Variants in DNAH1 observed in about 807,000 individuals in gnomAD.
DNAH1 encodes the protein dynein axonemal heavy chain 1.
Under a neutral mutation model 484.3 loss-of-function variants are expected in DNAH1, and 327 were observed. The ratio of observed to expected loss-of-function variants is 0.68; its 90% CI spans 0.62 to 0.74. The LOEUF is 0.74. DNAH1 is among the 30% of genes least tolerant of loss of function. The probability of loss-of-function intolerance (pLI) is 0.00; values close to 1 mark genes in which losing one functional copy is unlikely to be tolerated. For missense variants in DNAH1, 5,052 were observed against 5,546.8 expected (o/e 0.91, Z 2.83); for synonymous variants, 2,192 against 2,191.9 (o/e 1.00, Z 0.00).
In DNAH1 at chr3:52,395,272, C is replaced by G; in HGVS notation, c.10969-36C>G. On this transcript the variant is annotated intron_variant, in intron 68 of 77. Transcript: ENST00000420323. This position sits in a 1 kb window ranked among gnomAD's most constrained non-coding sequence, Gnocchi z 4.4. ...TCCCTTGCCCCGATCTCTCTGCAGCCCCAGGTGGTCTCAGCATCTCCCCCT... is the reference window on the plus strand; with the variant it reads ...TCCCTTGCCCCGATCTCTCTGCAGCGCCAGGTGGTCTCAGCATCTCCCCCT... The G allele has an allele frequency of 6.2e-7, 1 of 1,604,592 alleles. No individual in the cohort carries two copies. Among genetic ancestry groups the G allele is most frequent in the Non-Finnish European group, 8.5e-7 (1 of 1,174,664 alleles).
Position 52,353,467 on chromosome 3 carries a change from G to T in DNAH1, c.3314G>T (p.Gly1105Val), listed in dbSNP as rs775731948. The T allele has an allele frequency of 1.2e-6, 2 of 1,613,922 alleles. No homozygotes were observed. Among genetic ancestry groups the T allele is most frequent in the Admixed American group, 3.3e-5 (2 of 60,030 alleles). ...IPLIQGLRNP[G>V]MRIRHWETLS... ...CTGATCCAGGGGCTGCGCAACCCTG[G>T]CATGCGGATCCGGCACTGGGAGACA... is the stretch of plus-strand genomic sequence containing the variant. Residue 1105 changes from glycine (G) to valine (V), a missense_variant, in exon 20 of 78, where the codon GGC (glycine) becomes GTC (valine). Gly to Val is a moderately radical substitution (Grantham distance 109). Transcript: ENST00000420323. The surrounding 1 kb of genome is among the most constrained non-coding windows in gnomAD (Gnocchi z 5.0).
Position 52,398,972 on chromosome 3 carries a change from T to C in DNAH1, c.12212T>C (p.Val4071Ala), listed in dbSNP as rs370401738. ...LMAASLYNNT[V>A]PELWSAKAYP... Reference sequence around the variant, plus strand: ...GCTGCCAGCCTGTACAACAATACTGTGCCTGAGCTCTGGAGTGCCAAGGCC... The same window carrying C: ...GCTGCCAGCCTGTACAACAATACTGCGCCTGAGCTCTGGAGTGCCAAGGCC... Residue 4071 changes from valine (V) to alanine (A), a missense_variant, in exon 76 of 78, where the codon GTG (valine) becomes GCG (alanine). Val to Ala is a moderately conservative substitution (Grantham distance 64). Around this residue, in one of 4 missense-constraint regions of DNAH1, gnomAD observed 853 missense variants for 899.0 expected, o/e 0.95. Transcript: ENST00000420323. 6.2e-7 allele frequency: 1 copy of C among 1,613,860 alleles called. No homozygotes were observed. The highest frequency in any genetic ancestry group is 1.3e-5 in the African/African-American group (1 of 74,944).
rs1031560287 is a variant in DNAH1 at position 52,316,584 on chromosome 3, C to T, written c.-35+39C>T. The T allele has an allele frequency of 1.3e-5, 2 of 152,210 alleles. 1 individual carries two copies. Among genetic ancestry groups the T allele is most frequent in the African/African-American group, 4.8e-5 (2 of 41,438 alleles). 9.4% of individuals were successfully genotyped at this position (152,210 alleles called of 1,614,324 possible). Reference sequence around the variant, plus strand: ...CGCCAGATGCAGGAGTGGATGGAGACAGGTTCTAGACAGAGGAAGCAGAAG... The same window carrying T: ...CGCCAGATGCAGGAGTGGATGGAGATAGGTTCTAGACAGAGGAAGCAGAAG... On this transcript the variant is annotated intron_variant, in intron 1 of 77. Coordinates refer to ENST00000420323, the MANE Select transcript of DNAH1 (RefSeq NM_015512.5).
rs1162809937 is a variant in DNAH1, at chr3:52,356,976, T to C, written c.3858+198T>C. 3.9e-5 allele frequency among the ~76,000 whole-genome samples: 6 copies of C among 152,116 alleles called. No individual in the cohort carries two copies. The South Asian group carries it at 1.0e-3, about 26-fold the overall frequency. ...CTTAGAGGCACAGTCACTGACGGTT[T>C]TTCTCTTGGAGATCCACAGCCCATA... On this transcript the variant is annotated intron_variant, in intron 22 of 77. Coordinates refer to ENST00000420323, the MANE Select transcript of DNAH1 (RefSeq NM_015512.5).
chr3:52,346,188 G>A (rs907650335), intron 10 of DNAH1, among the ~76,000 whole-genome samples: 1 of 152,070 alleles, frequency 6.6e-6, no homozygotes, highest in African/African-American at 2.4e-5. Context: ...CAATCTCTGG[G>A]TCTCTGTCTC....
intron 1 of DNAH1, among the ~76,000 whole-genome samples, chr3:52,317,715 C>G (rs890413189): frequency 6.6e-6 from 1 of 152,234 alleles, no homozygotes; most frequent in Non-Finnish European, 1.5e-5. Context: ...CTGGAACATC[C>G]CAGTCCCACT....
intron 50 of DNAH1, 89 bp from the exon 51 acceptor site, chr3:52,383,297 A>G: frequency 8.4e-7 from 1 of 1,195,854 alleles, no homozygotes; most frequent in Non-Finnish European, 1.2e-6. Flanking sequence ...CAGTCTGTCA[A>G]ATGGAGCTGT....
rs188197681 is a variant in DNAH1, at chr3:52,354,394, A to G, written c.3481-449A>G. 4.3e-3 allele frequency among the ~76,000 whole-genome samples: 656 copies of G among 152,316 alleles called. 2 individuals are homozygous for G. The highest frequency in any genetic ancestry group is 7.6e-3 in the Non-Finnish European group (516 of 68,022). On this transcript the variant is annotated intron_variant, in intron 20 of 77. Coordinates refer to ENST00000420323, the MANE Select transcript of DNAH1 (RefSeq NM_015512.5). ...CACGCCTGTAATCCCAGCACTTGGG[A>G]GGCCGAGGCGGGTGGATCACCTGAG...
rs746057409 is a variant in DNAH1 at position 52,353,396 on chromosome 3, C to G, written c.3243C>G (p.Ala1081=). The G allele has an allele frequency of 1.2e-6, 2 of 1,611,090 alleles. No homozygotes were observed. The highest frequency in any genetic ancestry group is 2.7e-5 in the African/African-American group (2 of 75,028). ...FKDMPACQEV[A]LDIRARIEEF... is the part of the protein sequence containing the mutation. Reference sequence around the variant, plus strand: ...ACCCGGCAGCCTGCCAGGAAGTGGCCTTGGACATCCGGGCCCGCATCGAGG... The same window carrying G: ...ACCCGGCAGCCTGCCAGGAAGTGGCGTTGGACATCCGGGCCCGCATCGAGG... Residue 1081 remains alanine (A), a synonymous_variant, in exon 20 of 78, where the codon GCC becomes GCG. Transcript: ENST00000420323. The surrounding 1 kb of genome is among the most constrained non-coding windows in gnomAD (Gnocchi z 5.0).
Position 52,349,220 on chromosome 3 carries a change from G to A in DNAH1, c.2326G>A (p.Ala776Thr). ...AACCTACCAGACGCAGGGCCTGTTG[G>A]CCCAGGAGGTGCGGGAGGTAGTGCT... ...LKTYQTQGLL[A>T]QEVREVVLTH... The change falls in exon 14 of 78, where the codon GCC (alanine) becomes ACC (threonine). Residue 776 changes from alanine to threonine, a missense_variant. Ala to Thr is a moderately conservative substitution (Grantham distance 58, BLOSUM62 0). Around this residue, in one of 4 missense-constraint regions of DNAH1, gnomAD observed 1,263 missense variants for 1,218.8 expected, o/e 1.04. Transcript: ENST00000420323. 1 of 1,613,780 alleles carries A rather than the reference G, an allele frequency of 6.2e-7. No homozygotes were observed. The highest frequency in any genetic ancestry group is 8.5e-7 in the Non-Finnish European group (1 of 1,179,770).
chr3:52,367,082 A>C (rs1420880339), intron 36 of DNAH1, among the ~76,000 whole-genome samples, 195 bp downstream of exon 36: 3 of 152,188 alleles, frequency 2.0e-5, no homozygotes, highest in Non-Finnish European at 4.4e-5. Context: ...CCTCGTCTGC[A>C]AAGCGGGGAC....
At chr3:52,374,735 C>A (rs558804663) in intron 44 of DNAH1, 10 of 1,241,934 alleles carry the variant, frequency 8.1e-6, no homozygotes, top group African/African-American at 3.0e-5. Flanking sequence ...TGATATACAA[C>A]GCCCTGAATC....
At chr3:52,310,986 C>T in the DNAH1 span, among the ~76,000 whole-genome samples, 1 of 152,190 alleles carries the variant, frequency 6.6e-6, no homozygotes, top group Non-Finnish European at 1.5e-5. Context: ...GCAGGGCAGG[C>T]CTTACCTCCT....
In DNAH1 at chr3:52,331,283, T is replaced by C. The variant is rs1159980734; in HGVS notation, c.1007T>C (p.Ile336Thr). 1 of 1,609,568 alleles carries C rather than the reference T, an allele frequency of 6.2e-7. No homozygotes were observed. The highest frequency in any genetic ancestry group is 1.3e-5 in the African/African-American group (1 of 74,972). Reference protein sequence around the residue: ...GLVRDEMGRPILNAGVTTEGR... With the variant: ...GLVRDEMGRPTLNAGVTTEGR... The stretch of plus-strand genomic sequence containing the variant: ...GTGCGAGATGAGATGGGGAGGCCCA[T>C]CCTGAATGCAGGGGTCACCACTGAA... The change falls in exon 7 of 78, where the codon ATC (isoleucine) becomes ACC (threonine). Residue 336 changes from isoleucine (I) to threonine (T), a missense_variant. Ile to Thr is a moderately conservative substitution (Grantham distance 89). Transcript: ENST00000420323.
Position 52,347,841 on chromosome 3 carries a change from T to C in DNAH1, c.1973T>C (p.Leu658Pro), listed in dbSNP as rs202246643. 3.1e-4 allele frequency: 489 copies of C among 1,594,836 alleles called. 2 individuals carry two copies. The East Asian group carries it at 0.01, about 33-fold the overall frequency. ...GCCTGCAGGCCCCGGAAGAATCCCC[T>C]GTTCATCATGGACCTGGTGCTGGAC... ...NSPYRPRKNP[L>P]FIMDLVLDSS... Residue 658 changes from leucine to proline, a missense_variant, in exon 12 of 78, where the codon CTG (leucine) becomes CCG (proline). Coordinates refer to ENST00000420323, the MANE Select transcript of DNAH1 (RefSeq NM_015512.5).
chr3:52,393,204 A>G, intron 65 of DNAH1, 130 bp from the exon 66 acceptor site: 1 of 1,485,944 alleles, frequency 6.7e-7, no homozygotes, highest in Non-Finnish European at 9.2e-7. Flanking sequence ...TTCACTGGGA[A>G]CACCAAGTGC....
intron 44 of DNAH1, chr3:52,374,201 A>G (rs1372584163): frequency 1.5e-6 from 2 of 1,333,366 alleles, no homozygotes; most frequent in Non-Finnish European, 2.2e-6. Flanking sequence ...TATTTATGAA[A>G]CAGAGCATCA....
At chr3:52,387,536 C>G (rs1249247954) in intron 56 of DNAH1, among the ~76,000 whole-genome samples, 4 of 152,158 alleles carry the variant, frequency 2.6e-5, no homozygotes, top group Non-Finnish European at 4.4e-5. Context: ...GCATCTGGAC[C>G]CCTTATGGGC....
chr3:52,361,447 GA>G lies in DNAH1; in HGVS notation c.4874+97del, dbSNP rs1702853634. 2 of 1,407,336 alleles carry G rather than the reference GA, an allele frequency of 1.4e-6. No homozygotes were observed. The highest frequency in any genetic ancestry group is 1.9e-6 in the Non-Finnish European group (2 of 1,050,308). 87.2% of individuals were successfully genotyped at this position (1,407,336 alleles called of 1,614,324 possible). ...GAGGGCAGTGCCTGAGAGGGGCCTC[GA>G]AGGATGGTGGAGGGGACAGAAGGGG... is the stretch of plus-strand genomic sequence containing the variant. On this transcript the variant is annotated intron_variant, in intron 29 of 77. Transcript: ENST00000420323. This position sits in a 1 kb window ranked among gnomAD's most constrained non-coding sequence, Gnocchi z 5.6.
Sources: allele counts gnomAD v4.1 joint callset (sites outside exome capture counted in the v4.1 genomes callset), GRCh38; gene constraint gnomAD v4.1.1; regional missense constraint gnomAD v4.1.1; non-coding constraint Gnocchi (gnomAD v3.1); transcripts MANE v1.5; gene names NCBI Gene and HGNC (gene_info 2026-07-23, HGNC 2026-07-21).